The following TMEM131L variants were observed in gnomAD, a reference collection of about 807,000 sequenced individuals.
TMEM131L encodes transmembrane protein 131-like.
Under a neutral mutation model 192.2 loss-of-function variants are expected in TMEM131L, and 54 were observed. That is an observed-to-expected ratio of 0.28 (90% confidence interval 0.23 to 0.35). The LOEUF (loss-of-function observed/expected upper bound fraction) is 0.35. TMEM131L is among the 10% of genes least tolerant of loss of function. TMEM131L has a pLI of 1.00. For synonymous variants in TMEM131L, 701 were observed against 704.9 expected (o/e 0.99, Z 0.09); for missense variants, 1,888 against 1,972.9 (o/e 0.96, Z 0.82).
chr4:153,611,124 A>G (rs976449988), intron 25 of TMEM131L, among the ~76,000 whole-genome samples: 17 of 152,260 alleles, frequency 1.1e-4, no homozygotes, highest in African/African-American at 3.6e-4. Context: ...CACTTTTGCC[A>G]TCTGATTAAT....
chr4:153,596,426 G>A (rs755711696), intron 20 of TMEM131L, 41 bp downstream of exon 20: 1 of 1,606,482 alleles, frequency 6.2e-7, no homozygotes, highest in South Asian at 1.1e-5. Context: ...CTTTCTCAAT[G>A]ACTCATCTGT....
At chr4:153,550,299 G>A (rs1737508753) in intron 4 of TMEM131L, among the ~76,000 whole-genome samples, 158 bp downstream of exon 4, 1 of 152,072 alleles carries the variant, frequency 6.6e-6, no homozygotes, top group Non-Finnish European at 1.5e-5. Flanking sequence ...GTGAAAAGGA[G>A]AGTACAAGAA....
chr4:153,577,050 G>A (rs967721327), intron 7 of TMEM131L, among the ~76,000 whole-genome samples: 6 of 152,170 alleles, frequency 3.9e-5, no homozygotes, highest in African/African-American at 1.4e-4. Flanking sequence ...TTGCTGTGGT[G>A]TCTGAGAGGG....
At chr4:153,598,785 A>T in intron 21 of TMEM131L, 53 bp downstream of exon 21, 1 of 1,371,672 alleles carries the variant, frequency 7.3e-7, no homozygotes, top group Admixed American at 2.5e-5. Flanking sequence ...TAAAGCTGAG[A>T]GTGAAAGGAT....
chr4:153,632,794 C>T lies in TMEM131L; in HGVS notation c.4284C>T (p.Asn1428=), dbSNP rs750559476. Residue 1428 remains asparagine, a synonymous_variant, in exon 32 of 35, where the codon AAC becomes AAT. Coordinates refer to ENST00000409959, the MANE Select transcript of TMEM131L (RefSeq NM_001131007.2). ...VTSSLNCTLE[N]GVPCVIQESA... ...GCAGCTTAAACTGCACCCTGGAGAA[C>T]GGCGTGCCTTGTGTGATTCAGGAGT... 1.9e-5 allele frequency: 31 copies of T among 1,614,000 alleles called. No homozygotes were observed. Among genetic ancestry groups the T allele is most frequent in the South Asian group, 4.4e-5 (4 of 91,088 alleles).
At position 153,620,781 on chromosome 4, in the gene TMEM131L, A is replaced by C; in HGVS notation, c.3593A>C (p.Lys1198Thr). The C allele has an allele frequency of 6.4e-7, 1 of 1,555,164 alleles. No homozygotes were observed. Among genetic ancestry groups the C allele is most frequent in the Non-Finnish European group, 8.8e-7 (1 of 1,137,856 alleles). ...CAAGAAGATCCTTATAGGAAGAAAA[A>C]GCTTCAGGAGAAAAGAGAAGGAAAT... ...VEQEDPYRKK[K>T]LQEKREGNLQ... Residue 1198 changes from lysine (K) to threonine (T), a missense_variant, in exon 27 of 35, where the codon AAG (lysine) becomes ACG (threonine). Coordinates refer to ENST00000409959, the MANE Select transcript of TMEM131L (RefSeq NM_001131007.2).
At position 153,556,988 on chromosome 4, in the gene TMEM131L, C is replaced by T. The variant is rs201715844; in HGVS notation, c.455C>T (p.Thr152Ile). Residue 152 changes from threonine (T) to isoleucine (I), a missense_variant, in exon 6 of 35, where the codon ACT (threonine) becomes ATT (isoleucine). Transcript: ENST00000409959. The stretch of plus-strand genomic sequence containing the variant: ...CAGGTAATTCCAGCAATGGGGAAAA[C>T]TTCCTTCAGAATTATTTTCTTACCT... ...PCRVIPAMGK[T>I]SFRIIFLPTE... 1 of 1,596,628 alleles carries T rather than the reference C, an allele frequency of 6.3e-7. No homozygotes were observed. The highest frequency in any genetic ancestry group is 1.3e-5 in the African/African-American group (1 of 74,468).
chr4:153,600,168 C>T (rs1436263948), intron 21 of TMEM131L, among the ~76,000 whole-genome samples: 1 of 152,014 alleles, frequency 6.6e-6, no homozygotes, highest in African/African-American at 2.4e-5. Context: ...AATTTGAGAC[C>T]AGCCTGGGCA....
chr4:153,474,996 A>G (rs1731429264), intron 3 of TMEM131L, among the ~76,000 whole-genome samples: 1 of 151,754 alleles, frequency 6.6e-6, no homozygotes, highest in South Asian at 2.1e-4. Flanking sequence ...CCAGACCCCC[A>G]GGGTGTAGGT....
At chr4:153,607,782 G>A (rs932279141) in intron 25 of TMEM131L, among the ~76,000 whole-genome samples, 2 of 152,180 alleles carry the variant, frequency 1.3e-5, no homozygotes, top group Non-Finnish European at 2.9e-5. Flanking sequence ...ATGTATGAAT[G>A]GCTTTGACTA....
At chr4:153,625,300 A>G (rs1267679157) in intron 29 of TMEM131L, among the ~76,000 whole-genome samples, 1 of 151,994 alleles carries the variant, frequency 6.6e-6, no homozygotes, top group Non-Finnish European at 1.5e-5. Context: ...AGTTACAGCC[A>G]CTGGGAGGCT....
Position 153,596,254 on chromosome 4 carries a change from G to T in TMEM131L, c.1996-4G>T, listed in dbSNP as rs202095728. ...ATGACATGGTTTAATTTGTTAATTT[G>T]CAGGGTACGCATTCTGAGGAATCCA... On this transcript the variant is annotated splice_polypyrimidine_tract_variant and splice_region_variant and intron_variant, in intron 19 of 34. Transcript: ENST00000409959. The T allele has an allele frequency of 3.1e-6, 5 of 1,613,368 alleles. No individual in the cohort carries two copies. The highest frequency in any genetic ancestry group is 1.1e-5 in the South Asian group (1 of 91,054).
In TMEM131L at chr4:153,568,932, C is replaced by T. The variant is rs578156526; in HGVS notation, c.660+10564C>T. On this transcript the variant is annotated intron_variant, in intron 7 of 34. Transcript: ENST00000409959. ...GCCAGGAGTTACTAACTCCTTCTCC[C>T]CTAGGGTAGACTTTGGGGTGGCCCA... Among the ~76,000 whole-genome samples the T allele has an allele frequency of 7.2e-5, 11 of 152,304 alleles. No homozygotes were observed. The South Asian group carries it at 1.4e-3, about 20-fold the overall frequency.
At chr4:153,538,832 C>T (rs1478508554) in intron 3 of TMEM131L, among the ~76,000 whole-genome samples, 2 of 152,238 alleles carry the variant, frequency 1.3e-5, no homozygotes, top group Non-Finnish European at 2.9e-5. Context: ...GACCCCACGT[C>T]GCCTTCCCCA....
intron 3 of TMEM131L, among the ~76,000 whole-genome samples, chr4:153,538,750 C>T (rs559481644): frequency 6.6e-6 from 1 of 152,334 alleles, no homozygotes; most frequent in South Asian, 2.1e-4. Context: ...AAGCTTACAT[C>T]TTAAGAGAGT....
In TMEM131L at chr4:153,590,056, A is replaced by G. The variant is rs138195208; in HGVS notation, c.1671-997A>G. 2.2e-3 allele frequency among the ~76,000 whole-genome samples: 330 copies of G among 152,328 alleles called. 1 individual carries two copies. The highest frequency in any genetic ancestry group is 7.6e-3 in the African/African-American group (318 of 41,578). ...AATTATATTGTTTAATATACAGTCT[A>G]TGTTAAAATTTTCCCTAGTTGATCC... On this transcript the variant is annotated intron_variant, in intron 16 of 34. Transcript: ENST00000409959.
At position 153,474,272 on chromosome 4, in the gene TMEM131L, T is replaced by G. The variant is rs1731370442; in HGVS notation, c.239+384T>G. ...AAGACTTTACTGTAAGTAAAATAAT[T>G]ATGCTTATGACAAGAGCTATCAAGA... On this transcript the variant is annotated intron_variant, in intron 3 of 34. Coordinates refer to ENST00000409959, the MANE Select transcript of TMEM131L (RefSeq NM_001131007.2). 2.0e-5 allele frequency among the ~76,000 whole-genome samples: 3 copies of G among 152,180 alleles called. No homozygotes were observed. In the South Asian group the frequency reaches 6.2e-4, roughly 32 times the overall value.
intron 3 of TMEM131L, among the ~76,000 whole-genome samples, chr4:153,486,891 C>T (rs984335680): frequency 3.9e-5 from 6 of 152,132 alleles, no homozygotes; most frequent in African/African-American, 9.7e-5. Flanking sequence ...GTGGGAAGGC[C>T]GACAGCAGTG....
Position 153,557,014 on chromosome 4 carries a change from A to G in TMEM131L, c.481A>G (p.Thr161Ala). 6.2e-7 allele frequency: 1 copy of G among 1,603,308 alleles called. No individual in the cohort carries two copies. Among genetic ancestry groups the G allele is most frequent in the South Asian group, 1.1e-5 (1 of 90,296 alleles). Residue 161 changes from threonine to alanine, a missense_variant, in exon 6 of 35, where the codon ACT becomes GCT. Coordinates refer to ENST00000409959, the MANE Select transcript of TMEM131L (RefSeq NM_001131007.2). ...KTSFRIIFLP[T>A]EEGSIESSLF... ...TTCCTTCAGAATTATTTTCTTACCTACTGAAGAAGGAAGCATTGAAAGTTC... is the reference window on the plus strand; with the variant it reads ...TTCCTTCAGAATTATTTTCTTACCTGCTGAAGAAGGAAGCATTGAAAGTTC...
Sources: gnomAD v4.1 joint callset for allele counts (sites outside exome capture counted in the v4.1 genomes callset) on GRCh38, gnomAD v4.1.1 for gene constraint, MANE v1.5 for transcripts, NCBI Gene and HGNC (gene_info 2026-07-23, HGNC 2026-07-21) for gene names.